Variants in VMP1 observed in about 807,000 individuals in gnomAD.
VMP1 encodes vacuole membrane protein 1.
In VMP1, 11 loss-of-function variants were observed where a neutral mutation model predicts 56.0. The observed-to-expected ratio is 0.20, with a 90% CI of 0.12 to 0.32. The LOEUF is 0.32. Ranked by LOEUF, VMP1 falls within the 10% of genes least tolerant of loss-of-function variation. The pLI is 1.00. For missense variants in VMP1, 296 were observed against 490.3 expected (o/e 0.60, Z 3.74); for synonymous variants, 149 against 165.0 (o/e 0.90, Z 0.74).
Position 59,716,784 on chromosome 17 carries a change from A to ATT in VMP1, c.-27+9044_-27+9045dup, listed in dbSNP as rs35255635. Among the ~76,000 whole-genome samples, 37 of 151,600 alleles carry ATT rather than the reference A, an allele frequency of 2.4e-4. No individual in the cohort carries two copies. In the East Asian group the frequency reaches 2.7e-3, roughly 11 times the overall value. ...AAACTCTACCCTTGTGCTAGTTGGA[A>ATT]TTTTTTTTTACAACTAGAAAGGAAA... is the stretch of plus-strand genomic sequence containing the variant. On this transcript the variant is annotated intron_variant, in intron 1 of 11. Transcript: ENST00000262291.
Position 59,737,471 on chromosome 17 carries a change from C to A in VMP1, c.231C>A (p.Ser77Arg), listed in dbSNP as rs764849959. ...TTTTAAGATTATGGCATCGTCAAAG[C>A]ATTGTGGTGTCTTTTTTACTGCTGC... The part of the protein sequence containing the change: ...EWTSKLWHRQ[S>R]IVVSFLLLLA... Residue 77 changes from serine (S) to arginine (R), a missense_variant, in exon 4 of 12, where the codon AGC becomes AGA. By Grantham distance (110) the Ser-to-Arg change is moderately radical. This residue lies in a region of VMP1 where 126 missense variants were observed against 231.6 expected (regional missense o/e 0.54). Coordinates refer to ENST00000262291, the MANE Select transcript of VMP1 (RefSeq NM_030938.5). The A allele has an allele frequency of 1.2e-6, 2 of 1,611,214 alleles. No individual in the cohort carries two copies. Among genetic ancestry groups the A allele is most frequent in the Admixed American group, 3.4e-5 (2 of 59,576 alleles).
chr17:59,828,905 C>T (rs2038724844), intron 10 of VMP1, among the ~76,000 whole-genome samples: 1 of 152,154 alleles, frequency 6.6e-6, no homozygotes, highest in Non-Finnish European at 1.5e-5. Context: ...CACTTAAGGT[C>T]AGGAGTTTGA....
chr17:59,711,639 A>G (rs1337226860), intron 1 of VMP1, among the ~76,000 whole-genome samples: 1 of 152,208 alleles, frequency 6.6e-6, no homozygotes, highest in African/African-American at 2.4e-5. Context: ...AGGCCCTTAT[A>G]TAAAGCTTAT....
Position 59,738,855 on chromosome 17 carries a change from A to G in VMP1, c.322A>G (p.Lys108Glu), listed in dbSNP as rs749505083. The G allele has an allele frequency of 6.2e-7, 1 of 1,612,688 alleles. No individual in the cohort carries two copies. Among genetic ancestry groups the G allele is most frequent in the Admixed American group, 1.7e-5 (1 of 59,780 alleles). ...VHQQYVQRIE[K>E]QFLLYAYWIG... ...TTTTCAGTATGTGCAACGTATAGAG[A>G]AACAGTTTCTTTTGTATGCCTACTG... Residue 108 changes from lysine to glutamate, a missense_variant, in exon 5 of 12, where the codon AAA becomes GAA. Transcript: ENST00000262291.
chr17:59,838,230 A>T, intron 10 of VMP1, 65 bp from the exon 11 acceptor site: 1 of 1,407,002 alleles, frequency 7.1e-7, no homozygotes, highest in Non-Finnish European at 9.9e-7. Flanking sequence ...CATTTTCTTT[A>T]ACGTTTTTCC....
chr17:59,807,599 G>A (rs934866667), intron 7 of VMP1, among the ~76,000 whole-genome samples: 40 of 151,958 alleles, frequency 2.6e-4, no homozygotes, highest in African/African-American at 8.7e-4. Context: ...TTGGGAGGCC[G>A]AGGCGAGCTG....
At chr17:59,743,157 A>G (rs529103731) in intron 5 of VMP1, among the ~76,000 whole-genome samples, 9 of 152,306 alleles carry the variant, frequency 5.9e-5, no homozygotes, top group Admixed American at 2.0e-4. Flanking sequence ...ATACAGGTCT[A>G]TGGGTTTTGA....
chr17:59,752,255 G>T (rs886892989), intron 5 of VMP1, among the ~76,000 whole-genome samples: 9 of 152,162 alleles, frequency 5.9e-5, no homozygotes, highest in Non-Finnish European at 1.0e-4. Context: ...CCGTTTTCTG[G>T]TAAAACTTTA....
chr17:59,758,604 C>T (rs539928049), intron 5 of VMP1, among the ~76,000 whole-genome samples: 111 of 152,010 alleles, frequency 7.3e-4, no homozygotes, highest in Non-Finnish European at 8.4e-4. Flanking sequence ...TTGGGAGAAT[C>T]TCTTGAGCCC....
chr17:59,788,941 C>CTT (rs60173361), intron 7 of VMP1, among the ~76,000 whole-genome samples: 14 of 143,738 alleles, frequency 9.7e-5, no homozygotes, highest in East Asian at 4.0e-4. Flanking sequence ...AAACTAAAGT[C>CTT]TTTTTTTTTT....
At chr17:59,835,870 A>G (rs1314805800) in intron 10 of VMP1, among the ~76,000 whole-genome samples, 1 of 148,400 alleles carries the variant, frequency 6.7e-6, no homozygotes, top group Non-Finnish European at 1.5e-5. Context: ...AATTATATAT[A>G]TTTAATATAT....
At chr17:59,737,978 G>A (rs2035079379) in intron 4 of VMP1, among the ~76,000 whole-genome samples, 1 of 151,974 alleles carries the variant, frequency 6.6e-6, no homozygotes, top group South Asian at 2.1e-4. Context: ...TGCCATGTTG[G>A]CCAGGCTGGT....
intron 7 of VMP1, among the ~76,000 whole-genome samples, chr17:59,802,628 C>T (rs917080435): frequency 2.6e-5 from 4 of 152,156 alleles, no homozygotes; most frequent in African/African-American, 7.2e-5. Context: ...TGCAGTGGCA[C>T]GATCTCTGCT....
At chr17:59,824,598 C>T (rs183896485) in intron 10 of VMP1, among the ~76,000 whole-genome samples, 23 of 144,400 alleles carry the variant, frequency 1.6e-4, no homozygotes, top group African/African-American at 4.6e-4. Flanking sequence ...AAGGACCAGG[C>T]GCAGTGGCCC....
Position 59,770,577 on chromosome 17 carries a change from C to T in VMP1, c.583-3177C>T, listed in dbSNP as rs891366421. Among the ~76,000 whole-genome samples the T allele has an allele frequency of 4.0e-5, 6 of 151,390 alleles. No homozygotes were observed. The East Asian group carries it at 5.8e-4, about 15-fold the overall frequency. On this transcript the variant is annotated intron_variant, in intron 6 of 11. Transcript: ENST00000262291. ...ATTAGTGTTCAAATTTTTCTGATTA[C>T]GTTTATTTCTTTTTTTTTTTTTCTG... is the stretch of plus-strand genomic sequence containing the variant.
At chr17:59,770,990 GTTT>G (rs375707243) in intron 6 of VMP1, among the ~76,000 whole-genome samples, 1 of 140,234 alleles carries the variant, frequency 7.1e-6, no homozygotes. Flanking sequence ...GATAAATTGT[GTTT>G]TTTTTTTTTG....
intron 5 of VMP1, among the ~76,000 whole-genome samples, chr17:59,755,949 C>A (rs1017406030): frequency 5.3e-5 from 8 of 151,956 alleles, no homozygotes; most frequent in African/African-American, 1.9e-4. Flanking sequence ...GTTGTCCGAG[C>A]TAGTCTCGAA....
chr17:59,747,413 CT>C lies in VMP1; in HGVS notation c.414+8480del, dbSNP rs201448260. On this transcript the variant is annotated intron_variant, in intron 5 of 11. Coordinates refer to ENST00000262291, the MANE Select transcript of VMP1 (RefSeq NM_030938.5). ...GGTTTTTTTCTTTCTTTCTTTCTTT[CT>C]TTTTTTTTTTTTTGAGATGGAATCT... Among the ~76,000 whole-genome samples, 549 of 137,084 alleles carry C rather than the reference CT, an allele frequency of 4.0e-3. 2 individuals carry two copies. The highest frequency in any genetic ancestry group is 0.01 in the African/African-American group (386 of 37,260). The allele number at this position is 137,084 out of a possible 152,430, so 89.9% of individuals were successfully genotyped here.
At chr17:59,796,722 T>G (rs2144148507) in intron 7 of VMP1, among the ~76,000 whole-genome samples, 1 of 152,322 alleles carries the variant, frequency 6.6e-6, no homozygotes, top group East Asian at 1.9e-4. Context: ...TTTAACTTAC[T>G]CAATCCTCAT....
Sources: allele counts gnomAD v4.1 joint callset (sites outside exome capture counted in the v4.1 genomes callset), GRCh38; gene constraint gnomAD v4.1.1; regional missense constraint gnomAD v4.1.1; transcripts MANE v1.5; gene names NCBI Gene and HGNC (gene_info 2026-07-23, HGNC 2026-07-21).